USP12: variants seen among roughly 807,000 people sequenced by gnomAD.
USP12 encodes the protein ubiquitin specific peptidase 12.
In USP12, 19 loss-of-function variants were observed where a neutral mutation model predicts 45.5. The observed-to-expected ratio is 0.42, with a 90% CI of 0.29 to 0.61. The LOEUF is 0.61. USP12 is among the 20% of genes least tolerant of loss of function. The pLI, the probability that USP12 is intolerant of heterozygous loss-of-function variation, is 0.22. For missense variants in USP12, 242 were observed against 447.7 expected (o/e 0.54, Z 4.15); for synonymous variants, 149 against 148.8 (o/e 1.00, Z -0.01).
chr13:27,155,039 A>ACTTTTTT (rs1367762203), intron 1 of USP12, among the ~76,000 whole-genome samples: 1 of 128,944 alleles, frequency 7.8e-6, no homozygotes, highest in African/African-American at 3.1e-5. Flanking sequence ...GACCTCCACA[A>ACTTTTTT]CTTTTTTTTT....
Position 27,171,686 on chromosome 13 carries a change from G to A in USP12, c.-47C>T, listed in dbSNP as rs370545275. ...CCAATCACAGCGGCGGCGGCGGGCG[G>A]GGGAGGAGGGGAGCCGGGCCGCCCG... On this transcript the variant is annotated 5_prime_UTR_variant, in exon 1 of 9. Coordinates refer to ENST00000282344, the MANE Select transcript of USP12 (RefSeq NM_182488.4). 1.6e-4 allele frequency: 185 copies of A among 1,178,642 alleles called. 1 individual carries two copies. The highest frequency in any genetic ancestry group is 6.0e-5 in the Admixed American group (2 of 33,118). 73.0% of individuals were successfully genotyped at this position (1,178,642 alleles called of 1,614,324 possible).
rs1873053946 is a variant in USP12 at position 27,067,552 on chromosome 13, C to G, written c.*1731G>C. ...TAAATATTATAATTTTCTCCCAGAACATCTGTTTAAGCAGCCCAATTAAGT... is the reference window on the plus strand; with the variant it reads ...TAAATATTATAATTTTCTCCCAGAAGATCTGTTTAAGCAGCCCAATTAAGT... On this transcript the variant is annotated 3_prime_UTR_variant, in exon 9 of 9. Transcript: ENST00000282344. 1 of 152,180 alleles carries G rather than the reference C, an allele frequency of 6.6e-6. No individual in the cohort carries two copies. Among genetic ancestry groups the G allele is most frequent in the Admixed American group, 6.6e-5 (1 of 15,266 alleles). 9.4% of individuals were successfully genotyped at this position (152,180 alleles called of 1,614,324 possible). A position where few individuals can be genotyped will look rare whatever the true frequency, so the allele number is the denominator to read the frequency against.
At chr13:27,148,500 C>G (rs968095018) in intron 1 of USP12, among the ~76,000 whole-genome samples, 4 of 151,272 alleles carry the variant, frequency 2.6e-5, no homozygotes, top group Non-Finnish European at 5.9e-5. Context: ...ATAGCGAAAC[C>G]CCGTCTCTAC....
chr13:27,092,986 C>T (rs111271145), intron 4 of USP12, among the ~76,000 whole-genome samples: 3,462 of 152,196 alleles, frequency 0.023, 120 homozygotes, highest in African/African-American at 0.069. Flanking sequence ...CACTTGAGGT[C>T]GGGAGTTCAA....
intron 7 of USP12, 117 bp from the exon 8 acceptor site, chr13:27,071,266 T>C (rs1265508503): frequency 8.7e-6 from 7 of 801,256 alleles, no homozygotes; most frequent in Non-Finnish European, 1.3e-5. Flanking sequence ...AAAGAACTGC[T>C]TCTTTTTTAT....
chr13:27,136,551 G>C (rs1876814788), intron 1 of USP12, among the ~76,000 whole-genome samples: 1 of 152,064 alleles, frequency 6.6e-6, no homozygotes, highest in South Asian at 2.1e-4. Flanking sequence ...TCAAAAAAGT[G>C]AAATTCTTCT....
intron 3 of USP12, among the ~76,000 whole-genome samples, chr13:27,105,304 C>T (rs1422279846): frequency 6.6e-6 from 1 of 151,966 alleles, no homozygotes; most frequent in African/African-American, 2.4e-5. Flanking sequence ...TGATTTTTCA[C>T]GGCTAAAATG....
At chr13:27,086,183 A>ATATATATATAT (rs1555233200) in intron 6 of USP12, among the ~76,000 whole-genome samples, 17 of 39,302 alleles carry the variant, frequency 4.3e-4, no homozygotes, top group Admixed American at 9.4e-4. Flanking sequence ...TTAAAAAAAA[A>ATATATATATAT]AAAAAAAAAA....
At chr13:27,119,788 AT>A (rs1472669572) in intron 1 of USP12, among the ~76,000 whole-genome samples, 1 of 152,246 alleles carries the variant, frequency 6.6e-6, no homozygotes, top group Admixed American at 6.5e-5. Flanking sequence ...GCAGATCGAA[AT>A]GAGAAGTACA....
chr13:27,126,272 A>G (rs936451699), intron 1 of USP12, among the ~76,000 whole-genome samples: 6 of 152,188 alleles, frequency 3.9e-5, no homozygotes, highest in African/African-American at 1.2e-4. Flanking sequence ...CAAAGCTTCC[A>G]GAGGAAGGAT....
At position 27,091,255 on chromosome 13, in the gene USP12, A is replaced by G. The variant is rs189421606; in HGVS notation, c.574-1097T>C. Among the ~76,000 whole-genome samples the G allele has an allele frequency of 6.1e-3, 923 of 152,360 alleles. 5 individuals are homozygous for G. The highest frequency in any genetic ancestry group is 0.014 in the Middle Eastern group (4 of 294). ...AGAGATAGTATGGCAGAGGTAGGCT[A>G]GCCAGATCAGGCCGGAATTTACATG... On this transcript the variant is annotated intron_variant, in intron 4 of 8. Transcript: ENST00000282344.
chr13:27,171,307 T>A (rs1319628760), intron 1 of USP12, among the ~76,000 whole-genome samples: 1 of 148,744 alleles, frequency 6.7e-6, no homozygotes, highest in Non-Finnish European at 1.5e-5. Context: ...CGGAGGCCGG[T>A]GCCCGCCCGA....
rs572089380 is a variant in USP12, at chr13:27,133,218, C to T, written c.49-16622G>A. ...CTCTATTCCAGTTCAATAAACTTAA[C>T]GCAAACACCACACTCACCACACTCA... On this transcript the variant is annotated intron_variant, in intron 1 of 8. Coordinates refer to ENST00000282344, the MANE Select transcript of USP12 (RefSeq NM_182488.4). Among the ~76,000 whole-genome samples the T allele has an allele frequency of 5.9e-5, 9 of 152,190 alleles. No individual in the cohort carries two copies. In the East Asian group the frequency reaches 9.6e-4, roughly 16 times the overall value.
intron 3 of USP12, among the ~76,000 whole-genome samples, chr13:27,101,557 G>A (rs1874861977): frequency 6.6e-6 from 1 of 152,130 alleles, no homozygotes; most frequent in South Asian, 2.1e-4. Flanking sequence ...CCTCCGTCAT[G>A]GAACTGACAG....
In USP12 at chr13:27,066,775, A is replaced by G; in HGVS notation, c.*2508T>C. On this transcript the variant is annotated 3_prime_UTR_variant, in exon 9 of 9. Transcript: ENST00000282344. ...CATAGTTACACGGCAATCAGCCACC[A>G]CTTACAACTTACACCAGCCCCGCAT... is the stretch of plus-strand genomic sequence containing the variant. 1 of 152,204 alleles carries G rather than the reference A, an allele frequency of 6.6e-6. No individual in the cohort carries two copies. Among genetic ancestry groups the G allele is most frequent in the Non-Finnish European group, 1.5e-5 (1 of 68,048 alleles). The allele number at this position is 152,204 out of a possible 1,614,324, so 9.4% of individuals were successfully genotyped here. A position where few individuals can be genotyped will look rare whatever the true frequency, so the allele number is the denominator to read the frequency against.
At chr13:27,078,426 A>AG (rs147878277) in intron 6 of USP12, among the ~76,000 whole-genome samples, 11,432 of 152,070 alleles carry the variant, frequency 0.075, 509 homozygotes, top group Middle Eastern at 0.11. Flanking sequence ...ACTGATACGG[A>AG]GCATAACTGT....
intron 1 of USP12, among the ~76,000 whole-genome samples, chr13:27,168,117 CACCT>C (rs372781709): frequency 4.9e-4 from 75 of 152,300 alleles, no homozygotes; most frequent in African/African-American, 1.7e-3. Context: ...ACTCTCCTAG[CACCT>C]ACCTTTACCA....
At chr13:27,088,918 C>T (rs989067021) in intron 6 of USP12, among the ~76,000 whole-genome samples, 7 of 152,140 alleles carry the variant, frequency 4.6e-5, no homozygotes, top group Admixed American at 3.9e-4. Context: ...AATCAAGTCA[C>T]ATATGCTACT....
intron 3 of USP12, among the ~76,000 whole-genome samples, chr13:27,103,485 G>A (rs1874965634): frequency 2.0e-5 from 3 of 151,418 alleles, no homozygotes; most frequent in African/African-American, 7.3e-5. Context: ...GAGAAGATGG[G>A]CTTAGAATAT....
Sources: gnomAD v4.1 joint callset for allele counts (sites outside exome capture counted in the v4.1 genomes callset) on GRCh38, gnomAD v4.1.1 for gene constraint, MANE v1.5 for transcripts, NCBI Gene and HGNC (gene_info 2026-07-23, HGNC 2026-07-21) for gene names.